TEAD1: variants seen among roughly 807,000 people sequenced by gnomAD.
TEAD1 encodes the protein transcriptional enhancer factor TEF-1.
Under a neutral mutation model 54.9 loss-of-function variants are expected in TEAD1, and 9 were observed. The ratio of observed to expected loss-of-function variants is 0.16; its 90% CI spans 0.10 to 0.29. The LOEUF (loss-of-function observed/expected upper bound fraction) is 0.29. TEAD1 is among the 10% of genes least tolerant of loss of function. TEAD1 has a pLI of 1.00. For synonymous variants in TEAD1, 200 were observed against 187.8 expected, an observed-to-expected ratio of 1.07 and a Z score of -0.53; for missense variants, 387 against 535.9, an observed-to-expected ratio of 0.72 and a Z score of 2.74.
intron 2 of TEAD1, among the ~76,000 whole-genome samples, chr11:12,757,609 C>T (rs944033005): frequency 6.6e-6 from 1 of 152,092 alleles, no homozygotes; most frequent in Non-Finnish European, 1.5e-5. Context: ...CCTAATTTGG[C>T]GATTTTCTCT....
intron 2 of TEAD1, among the ~76,000 whole-genome samples, chr11:12,696,071 A>T (rs550181449): frequency 3.9e-5 from 6 of 152,366 alleles, no homozygotes; most frequent in African/African-American, 1.4e-4. Flanking sequence ...GTTGCTTGTT[A>T]TTTGAGGCTC....
chr11:12,774,817 A>G (rs1000087370), intron 3 of TEAD1, among the ~76,000 whole-genome samples: 1 of 152,204 alleles, frequency 6.6e-6, no homozygotes, highest in Admixed American at 6.5e-5. Context: ...AGAGAGCTAA[A>G]TAAGGAGAAC....
At chr11:12,714,190 CCAAG>C (rs772063655) in intron 2 of TEAD1, among the ~76,000 whole-genome samples, 63 of 152,102 alleles carry the variant, frequency 4.1e-4, no homozygotes, top group Non-Finnish European at 8.4e-4. Context: ...GAGAAGGTTC[CCAAG>C]CAGTCACATC....
intron 10 of TEAD1, among the ~76,000 whole-genome samples, chr11:12,912,409 A>G (rs559281034): frequency 1.3e-5 from 2 of 152,322 alleles, no homozygotes; most frequent in African/African-American, 4.8e-5. Context: ...AAGACATGGC[A>G]TTTAAACAGA....
chr11:12,837,700 C>G (rs1946926091), intron 3 of TEAD1, among the ~76,000 whole-genome samples: 2 of 146,862 alleles, frequency 1.4e-5, no homozygotes, highest in Admixed American at 1.3e-4. Flanking sequence ...TCTCCCTTCT[C>G]CCTTCTCCCT....
chr11:12,842,280 C>T (rs904536464), intron 3 of TEAD1, among the ~76,000 whole-genome samples: 3 of 152,176 alleles, frequency 2.0e-5, no homozygotes, highest in African/African-American at 4.8e-5. Context: ...ACCAAACCAC[C>T]GTTACGAGAA....
intron 2 of TEAD1, among the ~76,000 whole-genome samples, chr11:12,695,951 T>C (rs886694311): frequency 6.6e-6 from 1 of 152,118 alleles, no homozygotes; most frequent in Non-Finnish European, 1.5e-5. Context: ...TAAGAACTCT[T>C]CTCTGAAGAA....
chr11:12,935,304 G>A (rs1949080207), intron 12 of TEAD1, among the ~76,000 whole-genome samples: 1 of 152,214 alleles, frequency 6.6e-6, no homozygotes, highest in Middle Eastern at 3.4e-3. Flanking sequence ...CTCCTTCCCT[G>A]TCAAAGAGCA....
intron 3 of TEAD1, among the ~76,000 whole-genome samples, chr11:12,780,003 G>A (rs889136519): frequency 2.6e-5 from 4 of 152,104 alleles, no homozygotes; most frequent in African/African-American, 7.2e-5. Context: ...GATCAGGAGC[G>A]AGACAAGGAT....
chr11:12,861,957 G>T (rs939758030), intron 3 of TEAD1, among the ~76,000 whole-genome samples: 1 of 150,496 alleles, frequency 6.6e-6, no homozygotes, highest in African/African-American at 2.5e-5. Flanking sequence ...TTGCACTCCA[G>T]CCTGGGCAAC....
At chr11:12,930,466 A>C (rs1948992829) in intron 12 of TEAD1, 140 bp downstream of exon 12, 2 of 1,033,224 alleles carry the variant, frequency 1.9e-6, no homozygotes, top group Admixed American at 3.8e-5. Flanking sequence ...GTGGTCAGTC[A>C]GCAGTTGAAT....
chr11:12,830,742 TCACACACACA>T (rs1195830987), intron 3 of TEAD1, among the ~76,000 whole-genome samples: 1 of 151,136 alleles, frequency 6.6e-6, no homozygotes, highest in Non-Finnish European at 1.5e-5. Context: ...ATATTTGCAA[TCACACACACA>T]CACATGCACG....
At chr11:12,837,688 C>CTCCG (rs1946925154) in intron 3 of TEAD1, among the ~76,000 whole-genome samples, 1 of 15,128 alleles carries the variant, frequency 6.6e-5, no homozygotes, top group Non-Finnish European at 7.2e-4. Flanking sequence ...TTCTTTCTCC[C>CTCCG]TTCTCCCTTC....
At chr11:12,831,780 C>CA (rs10709676) in intron 3 of TEAD1, among the ~76,000 whole-genome samples, 5,827 of 90,170 alleles carry the variant, frequency 0.065, 349 homozygotes, top group African/African-American at 0.17. Flanking sequence ...GACGCTGTCT[C>CA]AAAAAAAAAA....
At chr11:12,859,429 C>T (rs970726353) in intron 3 of TEAD1, among the ~76,000 whole-genome samples, 4 of 152,170 alleles carry the variant, frequency 2.6e-5, no homozygotes, top group Admixed American at 2.6e-4. Context: ...AGTGAGGCCC[C>T]AGGTTGGAGG....
chr11:12,820,276 G>T (rs1381638153), intron 3 of TEAD1, among the ~76,000 whole-genome samples: 1 of 152,134 alleles, frequency 6.6e-6, no homozygotes, highest in African/African-American at 2.4e-5. Flanking sequence ...GAAGTGGAGA[G>T]TGGTTTCATC....
chr11:12,834,699 C>T (rs1345394313), intron 3 of TEAD1, among the ~76,000 whole-genome samples: 1 of 151,100 alleles, frequency 6.6e-6, no homozygotes, highest in African/African-American at 2.4e-5. Context: ...TGGGCTCCAG[C>T]GATCATCCTG....
intron 2 of TEAD1, among the ~76,000 whole-genome samples, chr11:12,705,095 A>G (rs941942146): frequency 5.3e-5 from 8 of 152,228 alleles, no homozygotes; most frequent in African/African-American, 1.9e-4. Flanking sequence ...TGACAGCCAT[A>G]CTACTCTTAA....
chr11:12,684,372 A>G (rs1314585913), intron 2 of TEAD1, among the ~76,000 whole-genome samples: 1 of 152,232 alleles, frequency 6.6e-6, no homozygotes, highest in African/African-American at 2.4e-5. Flanking sequence ...CTTGCTTGAA[A>G]GCCACACTCC....
Sources: allele counts gnomAD v4.1 joint callset (sites outside exome capture counted in the v4.1 genomes callset), GRCh38; gene constraint gnomAD v4.1.1; transcripts MANE v1.5; gene names NCBI Gene and HGNC (gene_info 2026-07-23, HGNC 2026-07-21).